The following MACROD1 variants were observed in gnomAD, a reference collection of about 807,000 sequenced individuals.
The protein encoded by MACROD1 is mono-ADP ribosylhydrolase 1.
MACROD1 carries 31 observed loss-of-function variants against 41.4 expected under a neutral mutation model. The observed-to-expected ratio is 0.75, with a 90% CI of 0.56 to 1.01. The LOEUF is 1.01. Among genes scored for constraint, MACROD1 ranks in the 50% least tolerant of loss-of-function variants. MACROD1 has a pLI of 0.00. For missense variants in MACROD1, 473 were observed against 460.0 expected (o/e 1.03, Z -0.26); for synonymous variants, 252 against 203.4 (o/e 1.24, Z -2.03).
At chr11:64,158,946 G>C (rs1296466205) in intron 1 of MACROD1, among the ~76,000 whole-genome samples, 8 of 152,122 alleles carry the variant, frequency 5.3e-5, no homozygotes, top group Non-Finnish European at 1.0e-4. Flanking sequence ...AGCACTTTGG[G>C]AGGCTGAGGT....
intron 3 of MACROD1, chr11:64,117,566 T>G (rs1590934007): frequency 6.2e-7 from 1 of 1,607,336 alleles, no homozygotes; most frequent in Admixed American, 1.7e-5. Flanking sequence ...TGGCCACGGG[T>G]GATGGCGCCA....
intron 3 of MACROD1, among the ~76,000 whole-genome samples, chr11:64,127,378 C>A (rs1035164994): frequency 6.6e-6 from 1 of 152,070 alleles, no homozygotes; most frequent in Admixed American, 6.5e-5. Context: ...AGCGGCCCAC[C>A]CCCTCCCCGG....
chr11:64,049,646 G>A (rs527710436), intron 3 of MACROD1, among the ~76,000 whole-genome samples: 4 of 152,350 alleles, frequency 2.6e-5, no homozygotes, highest in African/African-American at 9.6e-5. Flanking sequence ...GGTGCCTGCT[G>A]AAGGGGGTGG....
Position 64,039,889 on chromosome 11 carries a change from A to T in MACROD1, c.518-24608T>A, listed in dbSNP as rs1166133216. On this transcript the variant is annotated intron_variant, in intron 3 of 10. Transcript: ENST00000255681. Reference sequence around the variant, plus strand: ...GTGGCTAGTGAGGGTGGGGGAGAGGACAGGGAGGAGGATGGGTGGGAGTTT... The same window carrying T: ...GTGGCTAGTGAGGGTGGGGGAGAGGTCAGGGAGGAGGATGGGTGGGAGTTT... 3.3e-5 allele frequency among the ~76,000 whole-genome samples: 5 copies of T among 152,070 alleles called. No individual in the cohort carries two copies. In the East Asian group the frequency reaches 9.7e-4, roughly 29 times the overall value.
chr11:64,015,343 T>G, intron 3 of MACROD1, 62 bp from the exon 4 acceptor site: 1 of 1,505,626 alleles, frequency 6.6e-7, no homozygotes, highest in South Asian at 1.3e-5. Flanking sequence ...AGTATCAGCC[T>G]TGAGGGGAGG....
At chr11:64,140,073 C>T (rs1945390300) in intron 3 of MACROD1, among the ~76,000 whole-genome samples, 1 of 152,190 alleles carries the variant, frequency 6.6e-6, no homozygotes, top group Non-Finnish European at 1.5e-5. Context: ...CAAAGCTGGC[C>T]AACCAAGCAT....
intron 1 of MACROD1, among the ~76,000 whole-genome samples, chr11:64,154,225 T>G (rs1240618804): frequency 6.6e-6 from 1 of 152,138 alleles, no homozygotes; most frequent in African/African-American, 2.4e-5. Flanking sequence ...CCTGCTCTCA[T>G]TCCCCAAAGC....
intron 3 of MACROD1, among the ~76,000 whole-genome samples, chr11:64,080,372 C>G (rs1304012041): frequency 6.6e-6 from 1 of 152,212 alleles, no homozygotes; most frequent in Non-Finnish European, 1.5e-5. Context: ...ATATAACTCA[C>G]ATACCATAAA....
intron 3 of MACROD1, among the ~76,000 whole-genome samples, chr11:64,094,385 C>T (rs1944540308): frequency 6.6e-6 from 1 of 151,136 alleles, no homozygotes; most frequent in South Asian, 2.1e-4. Context: ...GAGCTGAGAT[C>T]ATGCCACTGC....
intron 3 of MACROD1, among the ~76,000 whole-genome samples, chr11:64,056,893 G>A (rs554592890): frequency 2.6e-5 from 4 of 152,292 alleles, no homozygotes; most frequent in East Asian, 1.9e-4. Flanking sequence ...TACCAGGGTC[G>A]GAGCTGGTCT....
intron 3 of MACROD1, chr11:64,126,727 C>T (rs1590947001): frequency 6.6e-6 from 1 of 152,070 alleles, no homozygotes; most frequent in African/African-American, 2.4e-5. Context: ...GGAAGCCCGC[C>T]AGCTAACCGC....
intron 3 of MACROD1, among the ~76,000 whole-genome samples, chr11:64,095,162 C>A (rs1944555231): frequency 6.6e-6 from 1 of 152,214 alleles, no homozygotes; most frequent in Non-Finnish European, 1.5e-5. Context: ...ATTCCACTCT[C>A]GTGTGAGGTG....
intron 3 of MACROD1, chr11:64,118,993 G>A (rs988350680): frequency 2.4e-5 from 4 of 166,586 alleles, no homozygotes; most frequent in African/African-American, 7.3e-5. Flanking sequence ...ACCACGCTCC[G>A]TAGAAGCCCC....
At chr11:64,129,163 G>A (rs1945229502) in intron 3 of MACROD1, among the ~76,000 whole-genome samples, 1 of 152,242 alleles carries the variant, frequency 6.6e-6, no homozygotes. Context: ...GCCCAGAAAG[G>A]GTTCCCGGTC....
chr11:64,115,155 TG>T (rs1219672279), intron 3 of MACROD1, among the ~76,000 whole-genome samples: 1 of 152,232 alleles, frequency 6.6e-6, no homozygotes, highest in Non-Finnish European at 1.5e-5. Context: ...AGCAGACTTT[TG>T]CTGGCTGCAT....
intron 3 of MACROD1, among the ~76,000 whole-genome samples, chr11:64,138,297 C>G (rs920889379): frequency 2.6e-5 from 4 of 152,258 alleles, no homozygotes; most frequent in Non-Finnish European, 5.9e-5. Flanking sequence ...CTCCCCGGCA[C>G]TGCCTGGTCT....
chr11:64,029,906 G>A lies in MACROD1; in HGVS notation c.518-14625C>T, dbSNP rs1943271723. Reference sequence around the variant, plus strand: ...CGGGAGAGGCAGCCCTGAGTGTCTGGAAGGGATGGGGGCAGGGGAGGTGAT... The same window carrying A: ...CGGGAGAGGCAGCCCTGAGTGTCTGAAAGGGATGGGGGCAGGGGAGGTGAT... On this transcript the variant is annotated intron_variant, in intron 3 of 10. Transcript: ENST00000255681. 2.0e-5 allele frequency among the ~76,000 whole-genome samples: 3 copies of A among 152,184 alleles called. No individual in the cohort carries two copies. In the South Asian group the frequency reaches 6.2e-4, roughly 32 times the overall value.
At chr11:64,025,115 A>G (rs1478627385) in intron 3 of MACROD1, among the ~76,000 whole-genome samples, 1 of 152,054 alleles carries the variant, frequency 6.6e-6, no homozygotes, top group East Asian at 1.9e-4. Context: ...AGTAGCTGGG[A>G]CTACAGGCAC....
intron 3 of MACROD1, among the ~76,000 whole-genome samples, chr11:64,031,702 G>A (rs1200405405): frequency 6.6e-6 from 1 of 152,058 alleles, no homozygotes; most frequent in Non-Finnish European, 1.5e-5. Context: ...GGTCACGAAT[G>A]GCTGACCTCA....
Sources: gnomAD v4.1 joint callset for allele counts (sites outside exome capture counted in the v4.1 genomes callset) on GRCh38, gnomAD v4.1.1 for gene constraint, MANE v1.5 for transcripts, NCBI Gene and HGNC (gene_info 2026-07-23, HGNC 2026-07-21) for gene names.